The following ROBO2 variants were observed in gnomAD, a reference collection of about 807,000 sequenced individuals.
ROBO2 encodes roundabout guidance receptor 2.
Under a neutral mutation model 160.8 loss-of-function variants are expected in ROBO2, and 53 were observed. The observed-to-expected ratio is 0.33, with a 90% CI of 0.26 to 0.41. The LOEUF (loss-of-function observed/expected upper bound fraction) is 0.41, where lower values mean the gene tolerates loss of function less well. ROBO2 is among the 10% of genes least tolerant of loss of function. The pLI is 1.00. For synonymous variants in ROBO2, 664 were observed against 611.7 expected (o/e 1.09, Z -1.26); for missense variants, 1,577 against 1,722.4 (o/e 0.92, Z 1.49).
chr3:76,128,300 G>A (rs2071081390), intron 2 of ROBO2, among the ~76,000 whole-genome samples: 1 of 152,086 alleles, frequency 6.6e-6, no homozygotes, highest in Non-Finnish European at 1.5e-5. Context: ...CATAGAAAAT[G>A]TGGCCTTTAC....
At chr3:77,203,149 C>T (rs953157601) in intron 2 of ROBO2, among the ~76,000 whole-genome samples, 3 of 152,150 alleles carry the variant, frequency 2.0e-5, no homozygotes, top group Admixed American at 6.6e-5. Flanking sequence ...TTTATTGTTC[C>T]AGTTCCAAAT....
chr3:77,328,236 G>A (rs1055826160), intron 2 of ROBO2, among the ~76,000 whole-genome samples: 5 of 151,804 alleles, frequency 3.3e-5, no homozygotes, highest in Non-Finnish European at 5.9e-5. Context: ...ATGCAGTGAT[G>A]GTGAGCCACA....
At chr3:77,055,178 A>G (rs1016186738) in intron 1 of ROBO2, among the ~76,000 whole-genome samples, 1 of 152,102 alleles carries the variant, frequency 6.6e-6, no homozygotes, top group Non-Finnish European at 1.5e-5. Context: ...TCTTTTATTC[A>G]GCTTCCACTG....
chr3:76,239,194 T>C (rs1032055554), intron 2 of ROBO2, among the ~76,000 whole-genome samples: 1 of 152,098 alleles, frequency 6.6e-6, no homozygotes, highest in South Asian at 2.1e-4. Flanking sequence ...GAGAAATAAA[T>C]TTTTTTAAGG....
chr3:76,200,368 G>A lies in ROBO2; in HGVS notation c.109+262766G>A, dbSNP rs140845614. 1.9e-3 allele frequency among the ~76,000 whole-genome samples: 291 copies of A among 152,208 alleles called. 7 individuals are homozygous for A. In the East Asian group the frequency reaches 0.054, roughly 28 times the overall value. On this transcript the variant is annotated intron_variant, in intron 2 of 26. Coordinates refer to the ROBO2 transcript ENST00000487694. ...TAATTTGTAATTTCCATTTACAAAT[G>A]GAAAATCACTTTGTAAATGGAAATA...
intron 2 of ROBO2, among the ~76,000 whole-genome samples, chr3:76,624,095 G>T (rs1291306573): frequency 1.3e-5 from 2 of 151,964 alleles, no homozygotes; most frequent in Non-Finnish European, 2.9e-5. Context: ...CTCACCTGAA[G>T]AAGATTATGA....
At chr3:76,082,968 A>G (rs1308752322) in intron 2 of ROBO2, among the ~76,000 whole-genome samples, 3 of 152,170 alleles carry the variant, frequency 2.0e-5, no homozygotes, top group Non-Finnish European at 2.9e-5. Flanking sequence ...TCTAAATTAA[A>G]TCAACCAAAC....
chr3:76,137,424 C>A (rs2071472059), intron 2 of ROBO2, among the ~76,000 whole-genome samples: 1 of 152,106 alleles, frequency 6.6e-6, no homozygotes, highest in South Asian at 2.1e-4. Flanking sequence ...ACCAAAGATT[C>A]ATTTGATGAA....
chr3:76,316,289 A>G (rs2072020524), intron 2 of ROBO2, among the ~76,000 whole-genome samples: 1 of 152,142 alleles, frequency 6.6e-6, no homozygotes, highest in Admixed American at 6.5e-5. Flanking sequence ...CAACCGCATA[A>G]GACAGACACT....
At chr3:77,060,082 A>G (rs1218086725) in intron 1 of ROBO2, among the ~76,000 whole-genome samples, 1 of 151,648 alleles carries the variant, frequency 6.6e-6, no homozygotes, top group African/African-American at 2.4e-5. Context: ...AGCAAACTAT[A>G]AATTCAGTCT....
chr3:76,698,131 G>GAATTGGATGTAGAATGCCTGTAGAA (rs1181805899), intron 2 of ROBO2, among the ~76,000 whole-genome samples: 33 of 152,154 alleles, frequency 2.2e-4, no homozygotes, highest in South Asian at 8.3e-4. Context: ...TCACTGGTTA[G>GAATTGGATGTAGAATGCCTGTAGAA]GCTTTTTCCA....
chr3:76,172,216 C>T (rs1418835681), intron 2 of ROBO2, among the ~76,000 whole-genome samples: 3 of 149,904 alleles, frequency 2.0e-5, no homozygotes, highest in Non-Finnish European at 4.4e-5. Context: ...CATGTTCTCA[C>T]TCATAGGTGG....
At chr3:76,960,839 A>G (rs2079596515) in intron 2 of ROBO2, among the ~76,000 whole-genome samples, 2 of 152,186 alleles carry the variant, frequency 1.3e-5, no homozygotes, top group African/African-American at 2.4e-5. Context: ...AAATAATAGC[A>G]TAATTGTGGG....
At chr3:77,239,720 C>T (rs1392149375) in intron 2 of ROBO2, among the ~76,000 whole-genome samples, 1 of 151,130 alleles carries the variant, frequency 6.6e-6, no homozygotes, top group Non-Finnish European at 1.5e-5. Flanking sequence ...CTCCAAGTCC[C>T]CACTAGATTA....
chr3:76,945,799 C>T (rs2078500515), intron 2 of ROBO2, among the ~76,000 whole-genome samples: 1 of 152,154 alleles, frequency 6.6e-6, no homozygotes, highest in Non-Finnish European at 1.5e-5. Context: ...TCTGTCATGA[C>T]TATATTTAGC....
chr3:76,834,256 G>A (rs563314460), intron 2 of ROBO2, among the ~76,000 whole-genome samples: 1 of 150,032 alleles, frequency 6.7e-6, no homozygotes, highest in African/African-American at 2.5e-5. Flanking sequence ...CCAAGCTGGA[G>A]TGCAGTGGTA....
chr3:76,334,045 G>T (rs891520043), intron 2 of ROBO2, among the ~76,000 whole-genome samples: 25 of 152,240 alleles, frequency 1.6e-4, no homozygotes, highest in African/African-American at 5.8e-4. Flanking sequence ...TAATGTAAAT[G>T]ATGAGTTAAT....
chr3:77,323,129 A>T (rs1450618608), intron 2 of ROBO2, among the ~76,000 whole-genome samples: 1 of 145,688 alleles, frequency 6.9e-6, no homozygotes, highest in Non-Finnish European at 1.5e-5. Context: ...TACAATTATA[A>T]AAAAAGTGTA....
intron 2 of ROBO2, among the ~76,000 whole-genome samples, chr3:77,410,525 C>CTTCCTCCTCT (rs2076627087): frequency 5.4e-5 from 6 of 111,280 alleles, no homozygotes; most frequent in Admixed American, 3.5e-4. Flanking sequence ...CCTCCTCCTC[C>CTTCCTCCTCT]TCTTCCTCCT....
Sources: gnomAD v4.1 joint callset for allele counts (sites outside exome capture counted in the v4.1 genomes callset) on GRCh38, gnomAD v4.1.1 for gene constraint, MANE v1.5 for transcripts, NCBI Gene and HGNC (gene_info 2026-07-23, HGNC 2026-07-21) for gene names.